Variants in THSD4 observed in about 807,000 individuals in gnomAD.
THSD4 encodes the protein thrombospondin type 1 domain containing 4, also known as thrombospondin type-1 domain-containing protein 4.
A neutral mutation model predicts 119.0 loss-of-function variants in THSD4; 69 were observed. The observed-to-expected ratio is 0.58, with a 90% CI of 0.48 to 0.71. The LOEUF (loss-of-function observed/expected upper bound fraction) is 0.71. THSD4 is among the 30% of genes least tolerant of loss of function. The pLI is 0.00. For synonymous variants in THSD4, 524 were observed against 540.4 expected, an observed-to-expected ratio of 0.97 and a Z score of 0.42; for missense variants, 1,393 against 1,391.1, an observed-to-expected ratio of 1.00 and a Z score of -0.02.
chr15:71,493,895 C>G (rs1209874157), intron 7 of THSD4, among the ~76,000 whole-genome samples: 1 of 152,216 alleles, frequency 6.6e-6, no homozygotes, highest in African/African-American at 2.4e-5. Flanking sequence ...CACAGCACAG[C>G]TAATCAGAGG....
intron 11 of THSD4, among the ~76,000 whole-genome samples, chr15:71,743,582 C>A (rs1021442043): frequency 2.6e-5 from 4 of 152,134 alleles, no homozygotes; most frequent in Non-Finnish European, 5.9e-5. Flanking sequence ...TCTTTGCATC[C>A]CATTAACTTT....
rs2043966934 is a variant in THSD4, at chr15:71,220,580, A to G, written c.464+5181A>G. Reference sequence around the variant, plus strand: ...TCATATTGCCTGGCCCATAGTGGACACTCATTAAATACATTCATATTGCCT... The same window carrying G: ...TCATATTGCCTGGCCCATAGTGGACGCTCATTAAATACATTCATATTGCCT... On this transcript the variant is annotated intron_variant, in intron 4 of 17. Transcript: ENST00000261862. 2.0e-5 allele frequency among the ~76,000 whole-genome samples: 3 copies of G among 152,116 alleles called. No homozygotes were observed. The South Asian group carries it at 6.2e-4, about 32-fold the overall frequency.
chr15:71,260,629 C>T (rs1460980837), intron 6 of THSD4, among the ~76,000 whole-genome samples: 1 of 152,040 alleles, frequency 6.6e-6, no homozygotes, highest in African/African-American at 2.4e-5. Context: ...GGCTGCATTC[C>T]AGGGAATCAG....
chr15:71,225,539 C>CTTTTTTTTTTTTT (rs1040381361), intron 4 of THSD4, among the ~76,000 whole-genome samples: 9 of 105,360 alleles, frequency 8.5e-5, no homozygotes, highest in African/African-American at 1.4e-4. Flanking sequence ...TTTTCTTTTT[C>CTTTTTTTTTTTTT]TTTTTTTTTT....
intron 3 of THSD4, among the ~76,000 whole-genome samples, chr15:71,161,393 G>C (rs937434501): frequency 2.0e-5 from 3 of 151,902 alleles, no homozygotes; most frequent in Non-Finnish European, 2.9e-5. Flanking sequence ...CTCTAATATT[G>C]ATACAATAAT....
At chr15:71,606,531 A>G (rs1368653267) in intron 7 of THSD4, among the ~76,000 whole-genome samples, 2 of 134,242 alleles carry the variant, frequency 1.5e-5, no homozygotes, top group Non-Finnish European at 3.5e-5. Context: ...GCAATTGTTT[A>G]TTTATTTATT....
intron 3 of THSD4, among the ~76,000 whole-genome samples, chr15:71,166,789 A>G (rs1266859961): frequency 6.6e-6 from 1 of 152,150 alleles, no homozygotes; most frequent in African/African-American, 2.4e-5. Flanking sequence ...GTTGGCCATC[A>G]TGCTGACATC....
At chr15:71,235,130 T>TA (rs2044093523) in intron 4 of THSD4, among the ~76,000 whole-genome samples, 1 of 152,202 alleles carries the variant, frequency 6.6e-6, no homozygotes, top group African/African-American at 2.4e-5. Context: ...TCTCCTAGCT[T>TA]AAAGTGCCAA....
intron 7 of THSD4, among the ~76,000 whole-genome samples, chr15:71,491,700 T>C (rs1462760093): frequency 9.4e-6 from 1 of 106,264 alleles, no homozygotes; most frequent in Non-Finnish European, 2.1e-5. Context: ...GGAGACTCCA[T>C]CTGAAAAAAA....
At chr15:71,396,641 G>A (rs968099148) in intron 6 of THSD4, among the ~76,000 whole-genome samples, 3 of 152,130 alleles carry the variant, frequency 2.0e-5, no homozygotes, top group Non-Finnish European at 2.9e-5. Context: ...GTAAAACACC[G>A]GCCATGACCT....
intron 8 of THSD4, among the ~76,000 whole-genome samples, chr15:71,719,371 A>G (rs181293331): frequency 3.5e-4 from 53 of 152,360 alleles, no homozygotes; most frequent in African/African-American, 1.3e-3. Flanking sequence ...TTACTGTGTG[A>G]TATCTGCGTA....
chr15:71,297,626 G>A (rs953155955), intron 6 of THSD4, among the ~76,000 whole-genome samples: 1 of 152,046 alleles, frequency 6.6e-6, no homozygotes, highest in Non-Finnish European at 1.5e-5. Context: ...GAGCTACCAC[G>A]CTCGGCCTTT....
intron 7 of THSD4, among the ~76,000 whole-genome samples, chr15:71,572,804 C>G (rs2049382048): frequency 6.6e-6 from 1 of 152,086 alleles, no homozygotes; most frequent in Non-Finnish European, 1.5e-5. Context: ...AAGTGACACA[C>G]AGGAAGGAGG....
At position 71,634,312 on chromosome 15, in the gene THSD4, A is replaced by G. The variant is rs370467693; in HGVS notation, c.1153-26218A>G. On this transcript the variant is annotated intron_variant, in intron 7 of 17. Transcript: ENST00000261862. Reference sequence around the variant, plus strand: ...GCAGAGTACTTGGTATAGTCAACCCATGGCAGCCACTACAGTGACAGGGAG... The same window carrying G: ...GCAGAGTACTTGGTATAGTCAACCCGTGGCAGCCACTACAGTGACAGGGAG... Among the ~76,000 whole-genome samples, 390 of 152,348 alleles carry G rather than the reference A, an allele frequency of 2.6e-3. 3 individuals carry two copies. The highest frequency in any genetic ancestry group is 8.9e-3 in the African/African-American group (369 of 41,584).
intron 5 of THSD4, among the ~76,000 whole-genome samples, chr15:71,246,533 A>T (rs954417546): frequency 6.6e-6 from 1 of 152,206 alleles, no homozygotes; most frequent in Non-Finnish European, 1.5e-5. Flanking sequence ...GTGACTTTAA[A>T]GTGATAAGAG....
chr15:71,476,459 C>T (rs1220062906), intron 7 of THSD4, among the ~76,000 whole-genome samples: 1 of 152,142 alleles, frequency 6.6e-6, no homozygotes, highest in African/African-American at 2.4e-5. Flanking sequence ...CCAGGCTGGT[C>T]TCGAACTCGT....
At chr15:71,755,046 C>A (rs2053514696) in intron 14 of THSD4, among the ~76,000 whole-genome samples, 1 of 152,230 alleles carries the variant, frequency 6.6e-6, no homozygotes, top group African/African-American at 2.4e-5. Flanking sequence ...TGATAAGAAT[C>A]TTCTCTTCTT....
At chr15:71,256,084 A>G (rs1305414432) in intron 5 of THSD4, among the ~76,000 whole-genome samples, 3 of 152,230 alleles carry the variant, frequency 2.0e-5, no homozygotes, top group Non-Finnish European at 4.4e-5. Flanking sequence ...GAGTTGGTAT[A>G]CATGAAGCCT....
intron 7 of THSD4, among the ~76,000 whole-genome samples, chr15:71,529,929 G>A (rs999914476): frequency 6.6e-6 from 1 of 152,112 alleles, no homozygotes; most frequent in Non-Finnish European, 1.5e-5. Flanking sequence ...ATATGCTCGG[G>A]AGTTATGCTT....
Sources: allele counts gnomAD v4.1 joint callset (sites outside exome capture counted in the v4.1 genomes callset), GRCh38; gene constraint gnomAD v4.1.1; transcripts MANE v1.5; gene names NCBI Gene and HGNC (gene_info 2026-07-23, HGNC 2026-07-21).